The following CELF2 variants were observed in gnomAD, a reference collection of about 807,000 sequenced individuals.
The protein encoded by CELF2 is CUG triplet repeat RNA-binding protein 2.
Under a neutral mutation model 62.6 loss-of-function variants are expected in CELF2, and 8 were observed. The observed-to-expected ratio is 0.13, with a 90% CI of 0.07 to 0.23. CELF2 has a LOEUF of 0.23. Ranked by LOEUF, CELF2 falls within the 10% of genes least tolerant of loss-of-function variation. CELF2 has a pLI of 1.00. For synonymous variants in CELF2, 258 were observed against 250.0 expected, an observed-to-expected ratio of 1.03 and a Z score of -0.30; for missense variants, 333 against 671.0, an observed-to-expected ratio of 0.50 and a Z score of 5.56.
At chr10:10,963,842 T>A (rs896742660) in intron 2 of CELF2, among the ~76,000 whole-genome samples, 2 of 152,158 alleles carry the variant, frequency 1.3e-5, no homozygotes, top group Admixed American at 6.5e-5. Context: ...GATGCAGCAA[T>A]GGATTCTCAG....
intron 1 of CELF2, among the ~76,000 whole-genome samples, chr10:10,889,979 C>T (rs2062017607): frequency 6.6e-6 from 1 of 152,144 alleles, no homozygotes; most frequent in Admixed American, 6.5e-5. Context: ...CAACATTCAT[C>T]TTCATCTTCT....
the CELF2 span, among the ~76,000 whole-genome samples, chr10:10,661,128 A>C: frequency 6.6e-6 from 1 of 152,234 alleles, no homozygotes; most frequent in Non-Finnish European, 1.5e-5. Context: ...TCAAGACAGA[A>C]TACTTCTCCA....
Position 11,211,059 on chromosome 10 carries a change from A to T in CELF2, c.272-6366A>T, listed in dbSNP as rs1197373028. On this transcript the variant is annotated intron_variant, in intron 2 of 12. Transcript: ENST00000633077. The surrounding 1 kb of genome is among the most constrained non-coding windows in gnomAD (Gnocchi z 4.8). ...TTTGGGAGGCCAAGGCAGGAGGACC[A>T]CTTGAGACGAGGAGTTTGAGAAGCC... Among the ~76,000 whole-genome samples, 1 of 152,228 alleles carries T rather than the reference A, an allele frequency of 6.6e-6. No individual in the cohort carries two copies.
In CELF2 at chr10:10,934,196, G is replaced by C. The variant is rs1427030656; in HGVS notation, c.89+14197G>C. Among the ~76,000 whole-genome samples the C allele has an allele frequency of 1.3e-5, 2 of 152,118 alleles. No homozygotes were observed. Among genetic ancestry groups the C allele is most frequent in the Non-Finnish European group, 2.9e-5 (2 of 68,026 alleles). On this transcript the variant is annotated intron_variant, in intron 2 of 13. Transcript: ENST00000636488. This position sits in a 1 kb window ranked among gnomAD's most constrained non-coding sequence, Gnocchi z 4.4. ...TTGTTTTGTTTTCAATACCAGTAGG[G>C]GCATTGGAACAGGGTTAAAAATAGA... is the stretch of plus-strand genomic sequence containing the variant.
Position 11,242,379 on chromosome 10 carries a change from G to C in CELF2, c.355-6774G>C, listed in dbSNP as rs780531976. ...GCCCGCAGCTGCTTCCTTCCCCCAG[G>C]ACTCTGTCTCCAGACTAGGCCTGTG... On this transcript the variant is annotated intron_variant, in intron 3 of 12. Coordinates refer to ENST00000633077, the MANE Select transcript of CELF2 (RefSeq NM_001326342.2). This position sits in a 1 kb window ranked among gnomAD's most constrained non-coding sequence, Gnocchi z 4.8. Among the ~76,000 whole-genome samples the C allele has an allele frequency of 4.6e-5, 7 of 152,126 alleles. No individual in the cohort carries two copies. Among genetic ancestry groups the C allele is most frequent in the Non-Finnish European group, 1.0e-4 (7 of 68,030 alleles).
At chr10:10,895,050 A>G (rs1203483919) in intron 1 of CELF2, among the ~76,000 whole-genome samples, 1 of 152,116 alleles carries the variant, frequency 6.6e-6, no homozygotes, top group African/African-American at 2.4e-5. Context: ...AAATCCTTAC[A>G]AGAGTCCAGA....
At chr10:10,780,785 G>A in the CELF2 span, among the ~76,000 whole-genome samples, 2 of 151,836 alleles carry the variant, frequency 1.3e-5, no homozygotes, top group African/African-American at 4.9e-5. Flanking sequence ...GGCAAACAGG[G>A]AAACACTTAA....
At chr10:11,024,352 C>A (rs2058791422) in intron 1 of CELF2, among the ~76,000 whole-genome samples, 1 of 152,174 alleles carries the variant, frequency 6.6e-6, no homozygotes, top group African/African-American at 2.4e-5. Context: ...CGCCTGTAAT[C>A]CCAGCACTTT....
At chr10:10,880,049 T>G (rs2061352259) in intron 1 of CELF2, among the ~76,000 whole-genome samples, 1 of 152,150 alleles carries the variant, frequency 6.6e-6, no homozygotes, top group Non-Finnish European at 1.5e-5. Context: ...ATGTGCCCAA[T>G]CTAATGGGAA....
In CELF2 at chr10:11,243,375, A is replaced by G. The variant is rs2074603874; in HGVS notation, c.355-5778A>G. Among the ~76,000 whole-genome samples the G allele has an allele frequency of 6.6e-6, 1 of 152,074 alleles. No individual in the cohort carries two copies. The highest frequency in any genetic ancestry group is 1.5e-5 in the Non-Finnish European group (1 of 68,010). On this transcript the variant is annotated intron_variant, in intron 3 of 12. Coordinates refer to ENST00000633077, the MANE Select transcript of CELF2 (RefSeq NM_001326342.2). This position sits in a 1 kb window ranked among gnomAD's most constrained non-coding sequence, Gnocchi z 4.1. ...AATGTTATTCAAAAAAAAAAAAAAAAAGCTTCTAAAAATTCATGTACCATC... is the reference window on the plus strand; with the variant it reads ...AATGTTATTCAAAAAAAAAAAAAAAGAGCTTCTAAAAATTCATGTACCATC...
chr10:11,009,861 C>G (rs2056113729), intron 1 of CELF2, among the ~76,000 whole-genome samples: 1 of 152,200 alleles, frequency 6.6e-6, no homozygotes, highest in Non-Finnish European at 1.5e-5. Context: ...TGACATACCT[C>G]CGATATGCGT....
At chr10:11,204,191 AAAG>A (rs2059903864) in intron 2 of CELF2, among the ~76,000 whole-genome samples, 1 of 152,220 alleles carries the variant, frequency 6.6e-6, no homozygotes, top group Admixed American at 6.5e-5. Flanking sequence ...GGAAGGAAGA[AAAG>A]AAGCTAACCT....
chr10:11,186,785 GC>G (rs2075057823), intron 2 of CELF2, among the ~76,000 whole-genome samples: 1 of 152,118 alleles, frequency 6.6e-6, no homozygotes, highest in African/African-American at 2.4e-5. Context: ...AAATCTGAAA[GC>G]AAAAATCCAA....
At chr10:10,747,101 G>A in the CELF2 span, among the ~76,000 whole-genome samples, 174 of 152,268 alleles carry the variant, frequency 1.1e-3, no homozygotes, top group African/African-American at 3.9e-3. Context: ...ATTCTCTTGC[G>A]GAGTTTAGAA....
At chr10:10,773,819 A>T in the CELF2 span, among the ~76,000 whole-genome samples, 1 of 152,062 alleles carries the variant, frequency 6.6e-6, no homozygotes. Context: ...CCTTCTTCAC[A>T]TGGCCCAGAC....
chr10:11,270,809 C>A lies in CELF2; in HGVS notation c.762C>A (p.Thr254=), dbSNP rs1343342984. ...ACCTGACAGGGCTGGGCGGACTGACCCCACAGTATCTGGCGGTAAGTGCTG... is the reference window on the plus strand; with the variant it reads ...ACCTGACAGGGCTGGGCGGACTGACACCACAGTATCTGGCGGTAAGTGCTG... The part of the protein sequence containing the change: ...WGNLTGLGGL[T]PQYLALLQQA... The change falls in exon 7 of 13, where the codon ACC becomes ACA. Residue 254 remains threonine, a synonymous_variant. Coordinates refer to ENST00000633077, the MANE Select transcript of CELF2 (RefSeq NM_001326342.2). The surrounding 1 kb of genome is among the most constrained non-coding windows in gnomAD (Gnocchi z 5.8). 6 of 1,455,560 alleles carry A rather than the reference C, an allele frequency of 4.1e-6. No individual in the cohort carries two copies. The highest frequency in any genetic ancestry group is 2.4e-5 in the Admixed American group (1 of 42,188). 90.2% of individuals were successfully genotyped at this position (1,455,560 alleles called of 1,614,324 possible). A position where few individuals can be genotyped will look rare whatever the true frequency, so the allele number is the denominator to read the frequency against.
chr10:10,651,980 T>A, the CELF2 span, among the ~76,000 whole-genome samples: 5 of 150,870 alleles, frequency 3.3e-5, no homozygotes, highest in Admixed American at 1.3e-4. Context: ...TTGAAAAAAA[T>A]TTAGGAGAAT....
the CELF2 span, among the ~76,000 whole-genome samples, chr10:10,529,545 G>A: frequency 2.6e-5 from 4 of 151,968 alleles, no homozygotes; most frequent in African/African-American, 9.7e-5. Flanking sequence ...TTAGGTGGGT[G>A]TGGTGGTGCG....
At position 11,267,995 on chromosome 10, in the gene CELF2, C is replaced by T. The variant is rs568590527; in HGVS notation, c.618+1318C>T. On this transcript the variant is annotated intron_variant, in intron 6 of 12. Transcript: ENST00000633077. This position sits in a 1 kb window ranked among gnomAD's most constrained non-coding sequence, Gnocchi z 4.4. ...GCATTTTTAAGACACTCACAACCCC[C>T]TACCTGAAGGCAAGCTCAGGTGAAA... Among the ~76,000 whole-genome samples, 3 of 152,282 alleles carry T rather than the reference C, an allele frequency of 2.0e-5. No homozygotes were observed. In the South Asian group the frequency reaches 6.2e-4, roughly 32 times the overall value.
Sources: gnomAD v4.1 joint callset for allele counts (sites outside exome capture counted in the v4.1 genomes callset) on GRCh38, gnomAD v4.1.1 for gene constraint, Gnocchi (gnomAD v3.1) non-coding constraint, MANE v1.5 for transcripts, NCBI Gene and HGNC (gene_info 2026-07-23, HGNC 2026-07-21) for gene names.